The following PDE3A variants were observed in gnomAD, a reference collection of about 807,000 sequenced individuals.
PDE3A encodes phosphodiesterase 3A.
Under a neutral mutation model 98.3 loss-of-function variants are expected in PDE3A, and 43 were observed. The observed-to-expected ratio is 0.44, with a 90% confidence interval of 0.34 to 0.56. The LOEUF is 0.56. PDE3A is among the 20% of genes least tolerant of loss of function. PDE3A has a pLI of 0.01. For missense variants in PDE3A, 1,427 were observed against 1,440.7 expected (o/e 0.99, Z 0.15); for synonymous variants, 663 against 567.9 (o/e 1.17, Z -2.38).
intron 15 of PDE3A, among the ~76,000 whole-genome samples, chr12:20,675,745 TTC>T (rs1945619781): frequency 6.6e-6 from 1 of 152,218 alleles, no homozygotes; most frequent in Non-Finnish European, 1.5e-5. Context: ...TTGACTTAAT[TTC>T]TGTTTCATCT....
intron 1 of PDE3A, among the ~76,000 whole-genome samples, chr12:20,550,929 T>G (rs1303421841): frequency 6.6e-6 from 1 of 151,490 alleles, no homozygotes; most frequent in Admixed American, 6.6e-5. Flanking sequence ...AGTTACTGGA[T>G]TTTTAGATCT....
chr12:20,422,140 A>C (rs1033896796), intron 1 of PDE3A, among the ~76,000 whole-genome samples: 2 of 152,072 alleles, frequency 1.3e-5, no homozygotes, highest in African/African-American at 2.4e-5. Flanking sequence ...AGGTCAGGAG[A>C]TCGAGACCAT....
At chr12:20,603,321 A>C (rs1943637108) in intron 2 of PDE3A, among the ~76,000 whole-genome samples, 2 of 152,310 alleles carry the variant, frequency 1.3e-5, no homozygotes, top group African/African-American at 4.8e-5. Context: ...TACTTCCAAC[A>C]ATGGAGCTAT....
chr12:20,477,676 T>C (rs1415228376), intron 1 of PDE3A, among the ~76,000 whole-genome samples: 2 of 152,214 alleles, frequency 1.3e-5, no homozygotes, highest in East Asian at 1.9e-4. Flanking sequence ...AAAACATTAC[T>C]GATTTAAAGG....
intron 1 of PDE3A, among the ~76,000 whole-genome samples, chr12:20,495,847 G>A (rs1945909912): frequency 6.6e-6 from 1 of 152,126 alleles, no homozygotes; most frequent in Non-Finnish European, 1.5e-5. Context: ...AGAGTGCCTG[G>A]TAACTTTTTA....
chr12:20,570,885 T>C (rs144615016), intron 2 of PDE3A, among the ~76,000 whole-genome samples: 2,801 of 152,200 alleles, frequency 0.018, 79 homozygotes, highest in Non-Finnish European at 0.025. Flanking sequence ...TGAGGAGCTG[T>C]TTTTAAAGCA....
chr12:20,581,053 A>T (rs1395635500), intron 2 of PDE3A, among the ~76,000 whole-genome samples: 1 of 152,244 alleles, frequency 6.6e-6, no homozygotes, highest in African/African-American at 2.4e-5. Context: ...TTTTCAAACA[A>T]CCTTTCTTAC....
intron 1 of PDE3A, among the ~76,000 whole-genome samples, chr12:20,516,654 GA>G (rs1946328335): frequency 6.6e-6 from 1 of 152,134 alleles, no homozygotes; most frequent in African/African-American, 2.4e-5. Context: ...ATTTAATAGT[GA>G]ATATGTTTAT....
chr12:20,567,104 T>C (rs777906453), intron 2 of PDE3A, among the ~76,000 whole-genome samples: 3 of 151,976 alleles, frequency 2.0e-5, no homozygotes, highest in Non-Finnish European at 4.4e-5. Flanking sequence ...TTTTGCTAAA[T>C]AGTGAATTTG....
intron 1 of PDE3A, among the ~76,000 whole-genome samples, chr12:20,488,426 C>A (rs1277382880): frequency 6.6e-6 from 1 of 152,132 alleles, no homozygotes; most frequent in African/African-American, 2.4e-5. Flanking sequence ...TTAAGCCGAC[C>A]TTCACTCACA....
At chr12:20,379,009 T>C (rs558078657) in intron 1 of PDE3A, among the ~76,000 whole-genome samples, 3 of 151,894 alleles carry the variant, frequency 2.0e-5, no homozygotes, top group Admixed American at 2.0e-4. Flanking sequence ...CTTGTGGTTT[T>C]GGTTTAATAG....
At chr12:20,386,441 T>C (rs1943807539) in intron 1 of PDE3A, among the ~76,000 whole-genome samples, 3 of 151,100 alleles carry the variant, frequency 2.0e-5, no homozygotes, top group Admixed American at 6.6e-5. Context: ...TTTTGAGAAA[T>C]GTCTGTTTAT....
intron 1 of PDE3A, among the ~76,000 whole-genome samples, chr12:20,451,373 A>G (rs1183376307): frequency 6.6e-6 from 1 of 152,168 alleles, no homozygotes; most frequent in East Asian, 1.9e-4. Context: ...TCCTGGGTAC[A>G]AGCAATTCTC....
intron 1 of PDE3A, among the ~76,000 whole-genome samples, chr12:20,385,323 A>G (rs1314051881): frequency 6.6e-6 from 1 of 152,048 alleles, no homozygotes; most frequent in African/African-American, 2.4e-5. Flanking sequence ...AAACAGGAAC[A>G]CTTTTACACT....
intron 15 of PDE3A, among the ~76,000 whole-genome samples, chr12:20,662,782 G>A (rs1006395456): frequency 2.0e-5 from 3 of 152,142 alleles, no homozygotes; most frequent in African/African-American, 4.8e-5. Flanking sequence ...CTGAGGATGT[G>A]ATAGAAAAGA....
chr12:20,372,677 C>T (rs949821630), intron 1 of PDE3A, among the ~76,000 whole-genome samples: 1 of 152,096 alleles, frequency 6.6e-6, no homozygotes, highest in African/African-American at 2.4e-5. Context: ...TGAAGTCAAA[C>T]ATCAAAATAA....
intron 2 of PDE3A, among the ~76,000 whole-genome samples, chr12:20,601,670 A>AG (rs1943595586): frequency 2.0e-5 from 3 of 152,166 alleles, no homozygotes; most frequent in Admixed American, 1.3e-4. Flanking sequence ...TAATTATGTA[A>AG]TTGTAATTTC....
chr12:20,613,438 C>G lies in PDE3A; in HGVS notation c.1012-5C>G. 1.2e-6 allele frequency: 2 copies of G among 1,613,918 alleles called. No homozygotes were observed. The highest frequency in any genetic ancestry group is 2.2e-5 in the South Asian group (2 of 91,066). On this transcript the variant is annotated splice_region_variant and splice_polypyrimidine_tract_variant and intron_variant, in intron 2 of 15. Coordinates refer to ENST00000359062, the MANE Select transcript of PDE3A (RefSeq NM_000921.5). ...TGCCTGATCTTGTCTTGGTTTGTGT[C>G]TCAGTCTTCAGGAACCAGTATTACT...
intron 1 of PDE3A, among the ~76,000 whole-genome samples, chr12:20,550,450 CT>C (rs1316913916): frequency 6.6e-6 from 1 of 152,050 alleles, no homozygotes; most frequent in Non-Finnish European, 1.5e-5. Flanking sequence ...TAGTGAACAA[CT>C]AATGTTTCTA....
Sources: allele counts gnomAD v4.1 joint callset (sites outside exome capture counted in the v4.1 genomes callset), GRCh38; gene constraint gnomAD v4.1.1; transcripts MANE v1.5; gene names NCBI Gene and HGNC (gene_info 2026-07-23, HGNC 2026-07-21).